Variants in ATF7IP2 observed in about 807,000 individuals in gnomAD.
ATF7IP2 encodes the protein activating transcription factor 7-interacting protein 2.
ATF7IP2 carries 42 observed loss-of-function variants against 64.2 expected under a neutral mutation model. The observed-to-expected ratio is 0.65, with a 90% CI of 0.51 to 0.85. The LOEUF (loss-of-function observed/expected upper bound fraction) is 0.85, where lower values mean the gene tolerates loss of function less well. ATF7IP2 is among the 40% of genes least tolerant of loss of function. The pLI, the probability that ATF7IP2 is intolerant of heterozygous loss-of-function variation, is 0.00. For synonymous variants in ATF7IP2, 308 were observed against 272.8 expected (o/e 1.13, Z -1.27); for missense variants, 933 against 784.2 (o/e 1.19, Z -2.27).
chr16:10,447,060 A>AGTCC (rs1314017969), intron 8 of ATF7IP2: 3 of 151,994 alleles, frequency 2.0e-5, no homozygotes, highest in African/African-American at 7.3e-5. Flanking sequence ...CCCTGACGGG[A>AGTCC]CCCCCAAAGG....
At chr16:10,477,693 A>G (rs913240586) in intron 12 of ATF7IP2, among the ~76,000 whole-genome samples, 1 of 151,534 alleles carries the variant, frequency 6.6e-6, no homozygotes, top group African/African-American at 2.4e-5. Context: ...CAATTAGGAA[A>G]AGAGGAAGTC....
At chr16:10,408,807 A>T (rs2047693710) in intron 1 of ATF7IP2, among the ~76,000 whole-genome samples, 2 of 151,360 alleles carry the variant, frequency 1.3e-5, no homozygotes, top group African/African-American at 4.9e-5. Context: ...TACTCTGCTG[A>T]CTCTTCCTTT....
chr16:10,420,329 T>C (rs1396237650), intron 3 of ATF7IP2, among the ~76,000 whole-genome samples: 1 of 152,172 alleles, frequency 6.6e-6, no homozygotes. Flanking sequence ...TACATGAACA[T>C]AAGCTAGTCT....
chr16:10,450,698 C>A (rs1468690435), intron 8 of ATF7IP2, among the ~76,000 whole-genome samples: 2 of 151,990 alleles, frequency 1.3e-5, no homozygotes, highest in Non-Finnish European at 2.9e-5. Flanking sequence ...TATTTTGAGC[C>A]TGTGTGTGTC....
At chr16:10,421,452 A>G (rs1416416498) in intron 3 of ATF7IP2, among the ~76,000 whole-genome samples, 1 of 152,214 alleles carries the variant, frequency 6.6e-6, no homozygotes, top group Non-Finnish European at 1.5e-5. Context: ...CTCGTGGCAT[A>G]GGTAGGAATG....
At chr16:10,473,117 A>G (rs568741099) in intron 10 of ATF7IP2, among the ~76,000 whole-genome samples, 4 of 152,310 alleles carry the variant, frequency 2.6e-5, no homozygotes, top group Non-Finnish European at 5.9e-5. Context: ...TAGGCTTCCT[A>G]CTGGTTCCAG....
chr16:10,462,942 G>A (rs1323509128), intron 9 of ATF7IP2, among the ~76,000 whole-genome samples: 2 of 152,110 alleles, frequency 1.3e-5, no homozygotes, highest in Non-Finnish European at 2.9e-5. Context: ...TTGGATCCAA[G>A]TAGCTATTAA....
intron 8 of ATF7IP2, among the ~76,000 whole-genome samples, chr16:10,442,969 A>G (rs574051784): frequency 1.6e-3 from 244 of 152,310 alleles, no homozygotes; most frequent in African/African-American, 5.6e-3. Flanking sequence ...TGGGACTCCA[A>G]TGGCATCTAT....
intron 1 of ATF7IP2, chr16:10,386,763 A>G (rs1381284828): frequency 6.6e-6 from 1 of 152,148 alleles, no homozygotes; most frequent in Non-Finnish European, 1.5e-5. Context: ...GTTTTTATGA[A>G]TATGTTTTTA....
At chr16:10,469,892 T>A (rs1300252810) in intron 9 of ATF7IP2, among the ~76,000 whole-genome samples, 3 of 147,052 alleles carry the variant, frequency 2.0e-5, no homozygotes, top group Admixed American at 1.4e-4. Context: ...ATTGAAAGTT[T>A]AAAAAAAAAA....
At chr16:10,460,292 A>ACTCCT (rs2049331064) in intron 9 of ATF7IP2, among the ~76,000 whole-genome samples, 1 of 152,180 alleles carries the variant, frequency 6.6e-6, no homozygotes, top group East Asian at 1.9e-4. Flanking sequence ...AAAAAGATAT[A>ACTCCT]TGGTGTGGAC....
chr16:10,454,105 T>A (rs1040397742), intron 8 of ATF7IP2: 1 of 151,936 alleles, frequency 6.6e-6, no homozygotes, highest in East Asian at 1.9e-4. Flanking sequence ...GTCATAAAGT[T>A]ATCAGTAAAA....
At chr16:10,480,606 C>T (rs868435845) in intron 12 of ATF7IP2, among the ~76,000 whole-genome samples, 1 of 150,604 alleles carries the variant, frequency 6.6e-6, no homozygotes, top group African/African-American at 2.4e-5. Context: ...GATCATTTAT[C>T]AGAGATCTCT....
At chr16:10,404,897 A>G (rs2047605482) in intron 1 of ATF7IP2, among the ~76,000 whole-genome samples, 2 of 152,124 alleles carry the variant, frequency 1.3e-5, no homozygotes, top group Admixed American at 1.3e-4. Flanking sequence ...GGGATTGTCA[A>G]AGTGCTGAAA....
intron 1 of ATF7IP2, among the ~76,000 whole-genome samples, chr16:10,410,015 C>T (rs550111143): frequency 6.6e-6 from 1 of 152,240 alleles, no homozygotes; most frequent in South Asian, 2.1e-4. Flanking sequence ...TGTGATGCCT[C>T]CAGATATGTT....
rs187865081 is a variant in ATF7IP2, at chr16:10,473,885, G to A, written c.1483-38G>A. The A allele has an allele frequency of 2.1e-3, 2,325 of 1,124,626 alleles. 83 individuals carry two copies. In the Admixed American group the frequency reaches 0.05, roughly 24 times the overall value. The allele number at this position is 1,124,626 out of a possible 1,614,324, so 69.7% of individuals were successfully genotyped here. ...ATTTTTAAAAACATTTTCAGCTATTGAGGCAAAGCTTTTTTTTTTTTTTTA... is the reference window on the plus strand; with the variant it reads ...ATTTTTAAAAACATTTTCAGCTATTAAGGCAAAGCTTTTTTTTTTTTTTTA... On this transcript the variant is annotated intron_variant, in intron 11 of 13. Transcript: ENST00000562102.
chr16:10,407,574 C>T (rs1005639195), intron 1 of ATF7IP2, among the ~76,000 whole-genome samples: 1 of 152,116 alleles, frequency 6.6e-6, no homozygotes, highest in South Asian at 2.1e-4. Flanking sequence ...TTTCTATATG[C>T]TAACAGTGAA....
chr16:10,470,643 G>A (rs2049759446), intron 9 of ATF7IP2, among the ~76,000 whole-genome samples: 1 of 151,878 alleles, frequency 6.6e-6, no homozygotes, highest in South Asian at 2.1e-4. Flanking sequence ...AAGTTAGCCA[G>A]GCCTGGTGAC....
intron 8 of ATF7IP2, among the ~76,000 whole-genome samples, chr16:10,440,814 A>G (rs1049724078): frequency 1.3e-5 from 2 of 152,194 alleles, no homozygotes; most frequent in South Asian, 2.1e-4. Context: ...GTTGCATTAC[A>G]TAGGTATACA....
Sources: gnomAD v4.1 joint callset for allele counts (sites outside exome capture counted in the v4.1 genomes callset) on GRCh38, gnomAD v4.1.1 for gene constraint, MANE v1.5 for transcripts, NCBI Gene and HGNC (gene_info 2026-07-23, HGNC 2026-07-21) for gene names.